The following AMPH variants were observed in gnomAD, a reference collection of about 807,000 sequenced individuals.
The protein encoded by AMPH is amphiphysin.
A neutral mutation model predicts 99.1 loss-of-function variants in AMPH; 49 were observed. That is an observed-to-expected ratio of 0.49 (90% CI 0.39 to 0.63). The LOEUF (loss-of-function observed/expected upper bound fraction) is 0.63. Ranked by LOEUF, AMPH falls within the 20% of genes least tolerant of loss-of-function variation. The pLI, the probability that AMPH is intolerant of heterozygous loss-of-function variation, is 0.00. For missense variants in AMPH, 759 were observed against 863.4 expected (o/e 0.88, Z 1.52); for synonymous variants, 314 against 317.3 (o/e 0.99, Z 0.11).
chr7:38,438,805 T>G (rs1389731335), intron 11 of AMPH, among the ~76,000 whole-genome samples: 9 of 152,206 alleles, frequency 5.9e-5, no homozygotes, highest in Non-Finnish European at 1.2e-4. Context: ...CTAATAGGAT[T>G]ACCATGAGTA....
At chr7:38,626,315 C>T (rs1446501285) in intron 1 of AMPH, among the ~76,000 whole-genome samples, 1 of 152,028 alleles carries the variant, frequency 6.6e-6, no homozygotes, top group Non-Finnish European at 1.5e-5. Flanking sequence ...CTACAGTAAC[C>T]AAAACAACAT....
intron 2 of AMPH, among the ~76,000 whole-genome samples, chr7:38,518,935 A>C (rs1477163738): frequency 6.6e-6 from 1 of 152,242 alleles, no homozygotes; most frequent in Non-Finnish European, 1.5e-5. Flanking sequence ...CAGTGTTGAG[A>C]GGCAGGATCT....
rs1217781805 is a variant in AMPH at position 38,610,339 on chromosome 7, A to T, written c.69+20944T>A. The stretch of plus-strand genomic sequence containing the variant: ...AAGAAAAGAAAAGAAAAGAAAAAAG[A>T]AAAGAAAAGAAAAGAAAAGAAAAGA... On this transcript the variant is annotated intron_variant, in intron 1 of 20. Transcript: ENST00000356264. Among the ~76,000 whole-genome samples, 2 of 29,756 alleles carry T rather than the reference A, an allele frequency of 6.7e-5. 1 individual carries two copies. Among genetic ancestry groups the T allele is most frequent in the African/African-American group, 3.1e-4 (2 of 6,378 alleles). The allele number at this position is 29,756 out of a possible 152,430, so 19.5% of individuals were successfully genotyped here. A position where few individuals can be genotyped will look rare whatever the true frequency, so the allele number is the denominator to read the frequency against.
chr7:38,474,177 C>T (rs1562778658), intron 7 of AMPH, among the ~76,000 whole-genome samples: 1 of 151,964 alleles, frequency 6.6e-6, no homozygotes, highest in Non-Finnish European at 1.5e-5. Context: ...ATTTTGATGG[C>T]TCTTTGGTTT....
chr7:38,615,620 G>T (rs896578330), intron 1 of AMPH, among the ~76,000 whole-genome samples: 3 of 150,358 alleles, frequency 2.0e-5, no homozygotes, highest in Admixed American at 6.6e-5. Flanking sequence ...TGAGGATAAT[G>T]TCAGGGTCAG....
chr7:38,609,773 T>C (rs968840588), intron 1 of AMPH, among the ~76,000 whole-genome samples: 1 of 152,024 alleles, frequency 6.6e-6, no homozygotes, highest in Non-Finnish European at 1.5e-5. Context: ...TTAATGAATA[T>C]ATATTACATT....
At chr7:38,482,619 T>G (rs1461067391) in intron 5 of AMPH, among the ~76,000 whole-genome samples, 2 of 152,170 alleles carry the variant, frequency 1.3e-5, no homozygotes, top group Non-Finnish European at 2.9e-5. Flanking sequence ...TCTTCCCATT[T>G]TATTAATGAT....
chr7:38,420,384 A>G (rs138282087), intron 16 of AMPH, among the ~76,000 whole-genome samples: 2 of 152,210 alleles, frequency 1.3e-5, no homozygotes, highest in African/African-American at 2.4e-5. Context: ...TGTTTTTCCT[A>G]CAAGATGCCT....
intron 17 of AMPH, 82 bp from the exon 18 acceptor site, chr7:38,394,296 C>T: frequency 7.0e-7 from 1 of 1,435,632 alleles, no homozygotes. Context: ...TTTCTAATCT[C>T]CCCTCTGTGG....
At chr7:38,504,978 A>G (rs1396140220) in intron 2 of AMPH, among the ~76,000 whole-genome samples, 1 of 152,202 alleles carries the variant, frequency 6.6e-6, no homozygotes, top group Non-Finnish European at 1.5e-5. Flanking sequence ...GCCATGTTCA[A>G]TTTAACAAAC....
intron 17 of AMPH, among the ~76,000 whole-genome samples, chr7:38,402,507 G>A (rs59446066): frequency 0.081 from 12,285 of 152,140 alleles, 530 homozygotes; most frequent in East Asian, 0.19. Flanking sequence ...CATTTTACTC[G>A]CTATCTGGGG....
intron 1 of AMPH, among the ~76,000 whole-genome samples, chr7:38,580,920 G>C (rs1485258681): frequency 1.3e-5 from 2 of 152,016 alleles, no homozygotes; most frequent in Admixed American, 6.6e-5. Flanking sequence ...ACCTTATTTT[G>C]CATACTCTGG....
intron 6 of AMPH, among the ~76,000 whole-genome samples, chr7:38,476,248 A>AT (rs1006017860): frequency 2.6e-5 from 4 of 152,144 alleles, no homozygotes; most frequent in Non-Finnish European, 5.9e-5. Flanking sequence ...GAAATAAAGT[A>AT]TTTTTTGTAG....
At position 38,391,756 on chromosome 7, in the gene AMPH, G is replaced by C; in HGVS notation, c.1870C>G (p.Leu624Val). Residue 624 changes from leucine (L) to valine (V), a missense_variant, in exon 19 of 21, where the codon CTC becomes GTC. By Grantham distance (32) the Leu-to-Val change is conservative. This residue lies in a region of AMPH where 554 missense variants were observed against 575.6 expected (regional missense o/e 0.96). Transcript: ENST00000356264. Reference protein sequence around the residue: ...EASQELPPGFLYKVETLHDFE... With the variant: ...EASQELPPGFVYKVETLHDFE... Reference sequence around the variant, plus strand: ...TTAAAAAATAAGAATACCTTGTAGAGAAAGCCAGGAGGCAATTCCTGAGAG... The same window carrying C: ...TTAAAAAATAAGAATACCTTGTAGACAAAGCCAGGAGGCAATTCCTGAGAG... The C allele has an allele frequency of 6.2e-7, 1 of 1,613,476 alleles. No individual in the cohort carries two copies. Among genetic ancestry groups the C allele is most frequent in the Non-Finnish European group, 8.5e-7 (1 of 1,179,842 alleles).
intron 11 of AMPH, among the ~76,000 whole-genome samples, chr7:38,447,629 G>C (rs551031372): frequency 4.6e-5 from 7 of 151,952 alleles, no homozygotes; most frequent in African/African-American, 1.2e-4. Flanking sequence ...ATTTTCTGAG[G>C]ATCTTAACCT....
intron 1 of AMPH, among the ~76,000 whole-genome samples, chr7:38,591,793 C>T (rs1321054430): frequency 6.6e-6 from 1 of 152,220 alleles, no homozygotes; most frequent in Non-Finnish European, 1.5e-5. Flanking sequence ...ACACTTGTCC[C>T]AAGGAACCAA....
At chr7:38,520,969 C>T (rs1428138907) in intron 2 of AMPH, among the ~76,000 whole-genome samples, 1 of 152,218 alleles carries the variant, frequency 6.6e-6, no homozygotes, top group Non-Finnish European at 1.5e-5. Flanking sequence ...AAGCCATTTA[C>T]TTGGCTGATA....
chr7:38,476,697 A>C (rs1318076908), intron 6 of AMPH, among the ~76,000 whole-genome samples, 165 bp downstream of exon 6: 1 of 152,246 alleles, frequency 6.6e-6, no homozygotes, highest in African/African-American at 2.4e-5. Context: ...CAATATAATG[A>C]AAAGCCTTAT....
chr7:38,391,621 T>C, intron 19 of AMPH, 127 bp downstream of exon 19: 2 of 909,452 alleles, frequency 2.2e-6, no homozygotes, highest in Non-Finnish European at 3.2e-6. Flanking sequence ...GATGTTGTGG[T>C]GAAGGGAAAG....
Sources: allele counts gnomAD v4.1 joint callset (sites outside exome capture counted in the v4.1 genomes callset), GRCh38; gene constraint gnomAD v4.1.1; regional missense constraint gnomAD v4.1.1; transcripts MANE v1.5; gene names NCBI Gene and HGNC (gene_info 2026-07-23, HGNC 2026-07-21).